The following PIBF1 variants were observed in gnomAD, a reference collection of about 807,000 sequenced individuals.
The protein encoded by PIBF1 is progesterone-induced-blocking factor 1.
A neutral mutation model predicts 112.5 loss-of-function variants in PIBF1; 90 were observed. The observed-to-expected ratio is 0.80, with a 90% CI of 0.67 to 0.95. The LOEUF is 0.95. Among genes scored for constraint, PIBF1 ranks in the 40% least tolerant of loss-of-function variants. The pLI, the probability that PIBF1 is intolerant of heterozygous loss-of-function variation, is 0.00. For missense variants in PIBF1, 915 were observed against 852.3 expected, an observed-to-expected ratio of 1.07 and a Z score of -0.92; for synonymous variants, 301 against 288.6, an observed-to-expected ratio of 1.04 and a Z score of -0.44.
intron 10 of PIBF1, among the ~76,000 whole-genome samples, chr13:72,889,089 T>G (rs1254023169): frequency 6.6e-6 from 1 of 152,140 alleles, no homozygotes; most frequent in African/African-American, 2.4e-5. Context: ...TTGTAATGTT[T>G]GGAGTTTTTA....
At chr13:72,826,113 A>AT (rs893476423) in intron 6 of PIBF1, among the ~76,000 whole-genome samples, 4 of 151,836 alleles carry the variant, frequency 2.6e-5, no homozygotes, top group Non-Finnish European at 4.4e-5. Flanking sequence ...AAATTTAAAA[A>AT]TTTTTTTAAT....
chr13:72,959,348 G>A lies in PIBF1; in HGVS notation c.1834-5926G>A, dbSNP rs35632356. Among the ~76,000 whole-genome samples the A allele has an allele frequency of 4.9e-4, 74 of 152,230 alleles. No homozygotes were observed. The Middle Eastern group carries it at 0.014, about 28-fold the overall frequency. On this transcript the variant is annotated intron_variant, in intron 14 of 17. Coordinates refer to ENST00000326291, the MANE Select transcript of PIBF1 (RefSeq NM_006346.4). ...CCCCAGCAATTGAGAACATAGAGAA[G>A]TTGTACCAAAGTGTTGCCCCCCTAT... is the stretch of plus-strand genomic sequence containing the variant.
At chr13:72,790,243 C>T (rs891599192) in intron 2 of PIBF1, among the ~76,000 whole-genome samples, 2 of 152,018 alleles carry the variant, frequency 1.3e-5, no homozygotes, top group African/African-American at 4.8e-5. Context: ...GCAGACAAGA[C>T]AGAAACAGAA....
At chr13:72,819,702 A>G (rs1463798424) in intron 5 of PIBF1, among the ~76,000 whole-genome samples, 1 of 152,170 alleles carries the variant, frequency 6.6e-6, no homozygotes, top group Non-Finnish European at 1.5e-5. Context: ...TAGCCAAAAA[A>G]GAGGACATAC....
chr13:73,009,067 T>G (rs916866746), intron 17 of PIBF1, among the ~76,000 whole-genome samples: 5 of 152,202 alleles, frequency 3.3e-5, no homozygotes, highest in Admixed American at 3.3e-4. Flanking sequence ...TCAACCATCC[T>G]TAGAGTGTGG....
intron 10 of PIBF1, among the ~76,000 whole-genome samples, chr13:72,864,738 C>T (rs1357029901): frequency 6.6e-6 from 1 of 152,068 alleles, no homozygotes; most frequent in African/African-American, 2.4e-5. Flanking sequence ...GATTATTTTC[C>T]ACGATTATTT....
At chr13:72,913,612 CA>C (rs937671070) in intron 12 of PIBF1, among the ~76,000 whole-genome samples, 6 of 151,794 alleles carry the variant, frequency 4.0e-5, no homozygotes, top group African/African-American at 1.5e-4. Flanking sequence ...ACCATCTCTA[CA>C]AAAAAATAAA....
intron 8 of PIBF1, among the ~76,000 whole-genome samples, chr13:72,829,419 A>G (rs1031645633): frequency 5.9e-5 from 9 of 152,148 alleles, no homozygotes; most frequent in Admixed American, 1.3e-4. Context: ...TAGGTCTTAC[A>G]TTTAAGTCTT....
rs185638966 is a variant in PIBF1 at position 72,911,594 on chromosome 13, T to C, written c.1639+2913T>C. 2.6e-5 allele frequency among the ~76,000 whole-genome samples: 4 copies of C among 152,172 alleles called. No individual in the cohort carries two copies. The East Asian group carries it at 7.7e-4, about 29-fold the overall frequency. On this transcript the variant is annotated intron_variant, in intron 12 of 17. Coordinates refer to ENST00000326291, the MANE Select transcript of PIBF1 (RefSeq NM_006346.4). ...TTGACATGGCCCTTGAATGTAATTA[T>C]CATAAAAGAAAAACTGATAAAGTAG...
chr13:72,942,799 G>A (rs879785544), intron 14 of PIBF1, among the ~76,000 whole-genome samples: 5 of 152,066 alleles, frequency 3.3e-5, no homozygotes, highest in Admixed American at 6.6e-5. Context: ...CCAGGAGTTC[G>A]AGACCTGCCT....
At chr13:72,856,702 A>G (rs1462527451) in intron 10 of PIBF1, among the ~76,000 whole-genome samples, 1 of 152,212 alleles carries the variant, frequency 6.6e-6, no homozygotes, top group African/African-American at 2.4e-5. Context: ...ATATAATATC[A>G]ATAAATGAAG....
intron 17 of PIBF1, among the ~76,000 whole-genome samples, chr13:73,012,518 C>T (rs1029365895): frequency 5.3e-5 from 8 of 151,024 alleles, no homozygotes; most frequent in Non-Finnish European, 1.2e-4. Context: ...CCCAGGAGTT[C>T]GAGTTCCAGA....
intron 17 of PIBF1, among the ~76,000 whole-genome samples, chr13:73,008,519 G>C (rs2044106222): frequency 6.6e-6 from 1 of 152,164 alleles, no homozygotes; most frequent in Non-Finnish European, 1.5e-5. Flanking sequence ...TTCATTCATT[G>C]AAAAATGTTT....
In PIBF1 at chr13:72,981,121, C is replaced by T. The variant is rs563834703; in HGVS notation, c.2049+7446C>T. Among the ~76,000 whole-genome samples, 65 of 151,236 alleles carry T rather than the reference C, an allele frequency of 4.3e-4. 1 individual carries two copies. In the South Asian group the frequency reaches 0.013, roughly 31 times the overall value. ...TTCGCCGGGCGTGGTGGCAGACACC[C>T]GTAGTCCCAGCTACTCGGGAGCCTG... On this transcript the variant is annotated intron_variant, in intron 16 of 17. Coordinates refer to ENST00000326291, the MANE Select transcript of PIBF1 (RefSeq NM_006346.4).
At position 72,913,372 on chromosome 13, in the gene PIBF1, TGAG is replaced by T. The variant is rs200542758; in HGVS notation, c.1640-3700_1640-3698del. 7.0e-3 allele frequency among the ~76,000 whole-genome samples: 1,063 copies of T among 152,246 alleles called. 22 individuals are homozygous for T. The highest frequency in any genetic ancestry group is 0.024 in the African/African-American group (999 of 41,544). On this transcript the variant is annotated intron_variant, in intron 12 of 17. Coordinates refer to ENST00000326291, the MANE Select transcript of PIBF1 (RefSeq NM_006346.4). Reference sequence around the variant, plus strand: ...ATTGATGATTTGCATGTTAAACTGTTGAGGAGTGAAGTGTGCAAATGTCCACAA... The same window carrying T: ...ATTGATGATTTGCATGTTAAACTGTTGAGTGAAGTGTGCAAATGTCCACAA...
At chr13:72,991,828 C>T (rs1458258004) in intron 16 of PIBF1, among the ~76,000 whole-genome samples, 1 of 152,064 alleles carries the variant, frequency 6.6e-6, no homozygotes, top group Non-Finnish European at 1.5e-5. Context: ...ATGCCATTCT[C>T]CTGCCTCAGC....
Position 72,931,160 on chromosome 13 carries a change from C to T in PIBF1, c.1731-5C>T. On this transcript the variant is annotated splice_region_variant and splice_polypyrimidine_tract_variant and intron_variant, in intron 13 of 17. Transcript: ENST00000326291. The stretch of plus-strand genomic sequence containing the variant: ...AGCATTAATTTTCTTATTTCATTTG[C>T]CTAGTGTTCACTTGGCAAGAAGAGT... 6.4e-7 allele frequency: 1 copy of T among 1,572,256 alleles called. No homozygotes were observed. Among genetic ancestry groups the T allele is most frequent in the Non-Finnish European group, 8.7e-7 (1 of 1,146,032 alleles).
At chr13:72,892,980 C>T (rs1397363257) in intron 10 of PIBF1, among the ~76,000 whole-genome samples, 1 of 152,090 alleles carries the variant, frequency 6.6e-6, no homozygotes, top group Non-Finnish European at 1.5e-5. Flanking sequence ...TTTTATCTAC[C>T]AATGTATACA....
chr13:72,964,493 T>C (rs1042863597), intron 14 of PIBF1, among the ~76,000 whole-genome samples: 2 of 152,214 alleles, frequency 1.3e-5, no homozygotes, highest in Non-Finnish European at 2.9e-5. Context: ...TTTTACATTA[T>C]ATTTTAAAAC....
Sources: allele counts gnomAD v4.1 joint callset (sites outside exome capture counted in the v4.1 genomes callset), GRCh38; gene constraint gnomAD v4.1.1; transcripts MANE v1.5; gene names NCBI Gene and HGNC (gene_info 2026-07-23, HGNC 2026-07-21).